The following RELL1 variants were observed in gnomAD, a reference collection of about 807,000 sequenced individuals.
The protein encoded by RELL1 is RELT-like protein 1.
In RELL1, 10 loss-of-function variants were observed where a neutral mutation model predicts 23.0. The observed-to-expected ratio is 0.43, with a 90% CI of 0.27 to 0.74. The LOEUF is 0.74. Ranked by LOEUF, RELL1 falls within the 30% of genes least tolerant of loss-of-function variation. RELL1 has a pLI of 0.19. For synonymous variants in RELL1, 146 were observed against 146.8 expected (o/e 0.99, Z 0.04); for missense variants, 315 against 364.4 (o/e 0.86, Z 1.10).
chr4:37,603,803 CTTT>C (rs1337019241), intron 6 of RELL1, among the ~76,000 whole-genome samples: 2 of 151,862 alleles, frequency 1.3e-5, no homozygotes, highest in African/African-American at 4.8e-5. Context: ...GTGCTGGTTG[CTTT>C]TTTTTGTTGT....
At chr4:37,603,892 C>T (rs1386259793) in intron 6 of RELL1, among the ~76,000 whole-genome samples, 1 of 152,190 alleles carries the variant, frequency 6.6e-6, no homozygotes, top group Non-Finnish European at 1.5e-5. Flanking sequence ...AATTATGGCT[C>T]GCCAGAGCCT....
chr4:37,686,311 C>T lies in RELL1; in HGVS notation c.-24G>A. 1 of 1,470,828 alleles carries T rather than the reference C, an allele frequency of 6.8e-7. No homozygotes were observed. Among genetic ancestry groups the T allele is most frequent in the Non-Finnish European group, 9.0e-7 (1 of 1,113,398 alleles). The allele number at this position is 1,470,828 out of a possible 1,614,324, so 91.1% of individuals were successfully genotyped here. A position where few individuals can be genotyped will look rare whatever the true frequency, so the allele number is the denominator to read the frequency against. ...ATCGCCGCGTCGCTTCGCCCTCCTC[C>T]CCCAGGGCGCCGCGTCCCGCGCTCG... On this transcript the variant is annotated 5_prime_UTR_variant, in exon 1 of 7. Transcript: ENST00000454158.
In RELL1 at chr4:37,612,322, T is replaced by TTAAAAAAAAAA. The variant is rs546339779; in HGVS notation, c.*1023_*1024insTTTTTTTTTTA. Among the ~76,000 whole-genome samples the TTAAAAAAAAAA allele has an allele frequency of 2.4e-5, 2 of 83,506 alleles. No homozygotes were observed. Among genetic ancestry groups the TTAAAAAAAAAA allele is most frequent in the Admixed American group, 1.5e-4 (1 of 6,864 alleles). The allele number at this position is 83,506 out of a possible 152,430, so 54.8% of individuals were successfully genotyped here. On this transcript the variant is annotated 3_prime_UTR_variant, in exon 7 of 7. Transcript: ENST00000454158. ...AACCAAGAATCGCTCAGCTAAAGGT[T>TTAAAAAAAAAA]AAAAAAAAAAAAAAAACAAAAAAAA...
At chr4:37,674,627 C>A (rs1721959450) in intron 1 of RELL1, among the ~76,000 whole-genome samples, 1 of 152,202 alleles carries the variant, frequency 6.6e-6, no homozygotes, top group South Asian at 2.1e-4. Context: ...CCAGGAAATT[C>A]CGGGCAGCTG....
At chr4:37,652,262 T>C (rs2109286816) in intron 1 of RELL1, among the ~76,000 whole-genome samples, 1 of 152,322 alleles carries the variant, frequency 6.6e-6, no homozygotes, top group East Asian at 1.9e-4. Flanking sequence ...TTTCTTAGGT[T>C]TGTAAGAGGT....
At chr4:37,594,847 C>T (rs948844853) in intron 6 of RELL1, among the ~76,000 whole-genome samples, 8 of 152,116 alleles carry the variant, frequency 5.3e-5, no homozygotes, top group African/African-American at 1.9e-4. Context: ...AATGAGACAC[C>T]AGATGCAAGT....
chr4:37,664,019 T>C (rs910094826), intron 1 of RELL1, among the ~76,000 whole-genome samples: 4 of 152,218 alleles, frequency 2.6e-5, no homozygotes, highest in Non-Finnish European at 5.9e-5. Context: ...ATGAAATTTG[T>C]AGTGGCTTCA....
chr4:37,626,927 T>C (rs190666436), intron 6 of RELL1, among the ~76,000 whole-genome samples: 1 of 152,130 alleles, frequency 6.6e-6, no homozygotes, highest in Non-Finnish European at 1.5e-5. Context: ...TTAGAGGGGA[T>C]AAATAATTTC....
chr4:37,647,301 C>T (rs1198177232), intron 3 of RELL1, 67 bp downstream of exon 3: 1 of 1,111,822 alleles, frequency 9.0e-7, no homozygotes, highest in African/African-American at 1.5e-5. Context: ...AATCTTGACT[C>T]TTCGAAGCAG....
downstream of RELL1, chr4:37,588,644 G>T: frequency 1.9e-6 from 1 of 527,714 alleles, no homozygotes; most frequent in Non-Finnish European, 3.4e-6. Context: ...GTCAGTGAAC[G>T]TTTGAGAACT....
chr4:37,686,134 C>A (rs892886593), intron 1 of RELL1, 66 bp downstream of exon 1: 4 of 1,391,562 alleles, frequency 2.9e-6, no homozygotes, highest in Non-Finnish European at 3.9e-6. Flanking sequence ...CCCGACCCCT[C>A]GCTTCCTTCC....
intron 6 of RELL1, among the ~76,000 whole-genome samples, chr4:37,627,762 T>C (rs1156431807): frequency 6.6e-6 from 1 of 152,244 alleles, no homozygotes; most frequent in Non-Finnish European, 1.5e-5. Flanking sequence ...TTGAGTCTGT[T>C]CTACAATAAA....
chr4:37,669,518 C>T (rs1721735270), intron 1 of RELL1, among the ~76,000 whole-genome samples: 1 of 152,094 alleles, frequency 6.6e-6, no homozygotes, highest in Admixed American at 6.5e-5. Flanking sequence ...GGCCACCACC[C>T]TGTCTGGGAG....
rs578002130 is a variant in RELL1 at position 37,685,490 on chromosome 4, G to A, written c.88+710C>T. 2.6e-5 allele frequency among the ~76,000 whole-genome samples: 4 copies of A among 152,268 alleles called. No individual in the cohort carries two copies. In the South Asian group the frequency reaches 8.3e-4, roughly 32 times the overall value. On this transcript the variant is annotated intron_variant, in intron 1 of 6. Transcript: ENST00000454158. ...TTAAGATTGATTTCAATTAAAAACT[G>A]CTTCATCGTTGGTGACACTTTAGCA...
chr4:37,595,115 G>A (rs1718786776), intron 6 of RELL1, among the ~76,000 whole-genome samples: 1 of 152,088 alleles, frequency 6.6e-6, no homozygotes, highest in African/African-American at 2.4e-5. Flanking sequence ...TTTTGGAGTT[G>A]GTGACAAACA....
chr4:37,616,508 T>C (rs1427826125), intron 6 of RELL1, among the ~76,000 whole-genome samples: 1 of 152,200 alleles, frequency 6.6e-6, no homozygotes, highest in Non-Finnish European at 1.5e-5. Context: ...GGGAAATCAC[T>C]GTGGTTGCAT....
intron 1 of RELL1, among the ~76,000 whole-genome samples, chr4:37,674,012 C>G (rs1721932747): frequency 6.6e-6 from 1 of 152,202 alleles, no homozygotes; most frequent in Admixed American, 6.5e-5. Context: ...TCCATACACT[C>G]CCTTTTAAGG....
At chr4:37,620,342 A>ATACT (rs1491402167) in intron 6 of RELL1, among the ~76,000 whole-genome samples, 1 of 152,228 alleles carries the variant, frequency 6.6e-6, no homozygotes, top group East Asian at 1.9e-4. Context: ...CAATTTCAAC[A>ATACT]TACTTATATA....
At chr4:37,629,027 G>A (rs1325561779) in intron 6 of RELL1, among the ~76,000 whole-genome samples, 1 of 152,202 alleles carries the variant, frequency 6.6e-6, no homozygotes, top group African/African-American at 2.4e-5. Context: ...TCTCTGGGCA[G>A]TGGTGGCCAA....
Sources: allele counts gnomAD v4.1 joint callset (sites outside exome capture counted in the v4.1 genomes callset), GRCh38; gene constraint gnomAD v4.1.1; transcripts MANE v1.5; gene names NCBI Gene and HGNC (gene_info 2026-07-23, HGNC 2026-07-21).